The following ABHD15 variants were observed in gnomAD, a reference collection of about 807,000 sequenced individuals.
ABHD15 encodes the protein abhydrolase domain containing 15, also known as protein ABHD15.
In ABHD15, 34 loss-of-function variants were observed where a neutral mutation model predicts 34.4. That is an observed-to-expected ratio of 0.99 (90% CI 0.75 to 1.32). The LOEUF (loss-of-function observed/expected upper bound fraction) is 1.32. Ranked by LOEUF, ABHD15 falls within the 40% of genes most tolerant of loss-of-function variation. The pLI, the probability that ABHD15 is intolerant of heterozygous loss-of-function variation, is 0.00. For synonymous variants in ABHD15, 314 were observed against 299.2 expected (o/e 1.05, Z -0.51); for missense variants, 644 against 650.4 (o/e 0.99, Z 0.11).
chr17:29,561,212 A>G lies in ABHD15; in HGVS notation c.*1349T>C, dbSNP rs987032704. 7 of 152,230 alleles carry G rather than the reference A, an allele frequency of 4.6e-5. No homozygotes were observed. The highest frequency in any genetic ancestry group is 2.0e-4 in the Admixed American group (3 of 15,284). 9.4% of individuals were successfully genotyped at this position (152,230 alleles called of 1,614,324 possible). A position where few individuals can be genotyped will look rare whatever the true frequency, so the allele number is the denominator to read the frequency against. Reference sequence around the variant, plus strand: ...GCTTTGCTGTTTTTGAGGTCAGAACAGGAGCCCTCTTTCTCAATGACGATT... The same window carrying G: ...GCTTTGCTGTTTTTGAGGTCAGAACGGGAGCCCTCTTTCTCAATGACGATT... On this transcript the variant is annotated 3_prime_UTR_variant, in exon 2 of 2. Coordinates refer to ENST00000307201, the MANE Select transcript of ABHD15 (RefSeq NM_198147.3).
rs769296979 is a variant in ABHD15 at position 29,566,611 on chromosome 17, C to T, written c.356G>A (p.Gly119Glu). 1.2e-6 allele frequency: 2 copies of T among 1,608,988 alleles called. No homozygotes were observed. Among genetic ancestry groups the T allele is most frequent in the Admixed American group, 1.7e-5 (1 of 59,972 alleles). Residue 119 changes from glycine (G) to glutamate (E), a missense_variant, in exon 1 of 2, where the codon GGG becomes GAG. Physicochemically the swap from Gly to Glu is moderately conservative, Grantham distance 98. Transcript: ENST00000307201. ...LCHFVLPVAP[G>E]PELAREYLQL... ...CAGGTACTCCCGGGCCAGCTCAGGC[C>T]CAGGCGCTACGGGCAGGACGAAGTG...
At chr17:29,563,644 G>A (rs377554919) in intron 1 of ABHD15, among the ~76,000 whole-genome samples, 3 of 152,054 alleles carry the variant, frequency 2.0e-5, no homozygotes, top group Non-Finnish European at 2.9e-5. Context: ...GGTGGATCAC[G>A]AGGTCAAGAG....
At chr17:29,565,992 C>T in intron 1 of ABHD15, 94 bp downstream of exon 1, 1 of 1,470,964 alleles carries the variant, frequency 6.8e-7, no homozygotes, top group Non-Finnish European at 9.0e-7. Context: ...AACTGGCCCA[C>T]GCCTGTTCCA....
Position 29,562,490 on chromosome 17 carries a change from T to A in ABHD15, c.*71A>T, listed in dbSNP as rs1286875554. The A allele has an allele frequency of 1.3e-6, 2 of 1,496,536 alleles. No homozygotes were observed. The highest frequency in any genetic ancestry group is 9.0e-7 in the Non-Finnish European group (1 of 1,115,416). The allele number at this position is 1,496,536 out of a possible 1,614,324, so 92.7% of individuals were successfully genotyped here. ...AGCTCCCTCTGTTCAGTCCGCCCCATCTTTCCAGGACTCCCCCTTGCCCAG... is the reference window on the plus strand; with the variant it reads ...AGCTCCCTCTGTTCAGTCCGCCCCAACTTTCCAGGACTCCCCCTTGCCCAG... On this transcript the variant is annotated 3_prime_UTR_variant, in exon 2 of 2. Transcript: ENST00000307201.
Position 29,566,860 on chromosome 17 carries a change from C to T in ABHD15, c.107G>A (p.Arg36Lys). The change falls in exon 1 of 2, where the codon AGG becomes AAG. Residue 36 changes from arginine to lysine, a missense_variant. Transcript: ENST00000307201. ...TCGGTCTTGGGCCCCCGGCAGGGTCCTCTCTCCGACGGCGCGCCCCCAGGG... is the reference window on the plus strand; with the variant it reads ...TCGGTCTTGGGCCCCCGGCAGGGTCTTCTCTCCGACGGCGCGCCCCCAGGG... ...RGPWGRAVGE[R>K]TLPGAQDRDD... 3 of 1,508,284 alleles carry T rather than the reference C, an allele frequency of 2.0e-6. No homozygotes were observed. Among genetic ancestry groups the T allele is most frequent in the African/African-American group, 1.4e-5 (1 of 69,226 alleles). The allele number at this position is 1,508,284 out of a possible 1,614,324, so 93.4% of individuals were successfully genotyped here. A position where few individuals can be genotyped will look rare whatever the true frequency, so the allele number is the denominator to read the frequency against.
In ABHD15 at chr17:29,566,856, G is replaced by T; in HGVS notation, c.111C>A (p.Thr37=). 3 of 1,511,502 alleles carry T rather than the reference G, an allele frequency of 2.0e-6. No homozygotes were observed. Among genetic ancestry groups the T allele is most frequent in the Non-Finnish European group, 2.6e-6 (3 of 1,138,258 alleles). The allele number at this position is 1,511,502 out of a possible 1,614,324, so 93.6% of individuals were successfully genotyped here. The change falls in exon 1 of 2, where the codon ACC becomes ACA. Residue 37 remains threonine (T), a synonymous_variant. Transcript: ENST00000307201. ...CGTCTCGGTCTTGGGCCCCCGGCAG[G>T]GTCCTCTCTCCGACGGCGCGCCCCC... The part of the protein sequence containing the change: ...GPWGRAVGER[T]LPGAQDRDDG...
rs1416973691 is a variant in ABHD15 at position 29,561,466 on chromosome 17, C to T, written c.*1095G>A. On this transcript the variant is annotated 3_prime_UTR_variant, in exon 2 of 2. Coordinates refer to ENST00000307201, the MANE Select transcript of ABHD15 (RefSeq NM_198147.3). Reference sequence around the variant, plus strand: ...CAGATCTAAGAGGAAGCTTTTCTGCCTTTACAGGGATGGCCTTTTGAATAA... The same window carrying T: ...CAGATCTAAGAGGAAGCTTTTCTGCTTTTACAGGGATGGCCTTTTGAATAA... 1.3e-5 allele frequency: 2 copies of T among 152,172 alleles called. No homozygotes were observed. The highest frequency in any genetic ancestry group is 3.9e-4 in the East Asian group (2 of 5,194). 9.4% of individuals were successfully genotyped at this position (152,172 alleles called of 1,614,324 possible). A position where few individuals can be genotyped will look rare whatever the true frequency, so the allele number is the denominator to read the frequency against.
At chr17:29,565,981 A>T (rs1420460924) in intron 1 of ABHD15, 105 bp downstream of exon 1, 6 of 1,446,364 alleles carry the variant, frequency 4.1e-6, no homozygotes, top group South Asian at 2.9e-5. Context: ...AACTTTGCCC[A>T]AACTGGCCCA....
rs1245317983 is a variant in ABHD15, at chr17:29,562,573, T to C, written c.1395A>G (p.Ser465=). The part of the protein sequence containing the change: ...NLEEIFNWKR[S]YTR ...CAGGCCAGGTCTTTCACCTTGTGTA[T>C]GATCGCTTCCAGTTAAAGATCTCCT... The change falls in exon 2 of 2, where the codon TCA becomes TCG. Residue 465 remains serine (S), a synonymous_variant. Transcript: ENST00000307201. The C allele has an allele frequency of 6.2e-7, 1 of 1,613,294 alleles. No homozygotes were observed. The highest frequency in any genetic ancestry group is 1.7e-5 in the Admixed American group (1 of 59,988).
intron 1 of ABHD15, among the ~76,000 whole-genome samples, 199 bp from the exon 2 acceptor site, chr17:29,563,285 G>A (rs561036158): frequency 1.0e-3 from 152 of 151,932 alleles, no homozygotes; most frequent in African/African-American, 3.5e-3. Flanking sequence ...GGTGGCTCAC[G>A]CCTGTAATCC....
chr17:29,566,775 C>G lies in ABHD15; in HGVS notation c.192G>C (p.Glu64Asp), dbSNP rs759500284. Reference protein sequence around the residue: ...GPADQFSDGREPLPGGCSLVC... With the variant: ...GPADQFSDGRDPLPGGCSLVC... ...CAAGGCTGCACCCTCCCGGCAGTGG[C>G]TCGCGCCCGTCGCTGAACTGGTCCG... Residue 64 changes from glutamate (E) to aspartate (D), a missense_variant, in exon 1 of 2, where the codon GAG (glutamate) becomes GAC (aspartate). Glu to Asp is a conservative substitution (Grantham distance 45). Coordinates refer to ENST00000307201, the MANE Select transcript of ABHD15 (RefSeq NM_198147.3). 2.6e-6 allele frequency: 4 copies of G among 1,515,362 alleles called. No homozygotes were observed. Among genetic ancestry groups the G allele is most frequent in the Non-Finnish European group, 2.6e-6 (3 of 1,138,470 alleles). 93.9% of individuals were successfully genotyped at this position (1,515,362 alleles called of 1,614,324 possible).
rs1471413292 is a variant in ABHD15, at chr17:29,562,967, G to A, written c.1001C>T (p.Thr334Ile). 8 of 1,614,036 alleles carry A rather than the reference G, an allele frequency of 5.0e-6. No individual in the cohort carries two copies. Among genetic ancestry groups the A allele is most frequent in the South Asian group, 1.1e-5 (1 of 91,084 alleles). Residue 334 changes from threonine (T) to isoleucine (I), a missense_variant, in exon 2 of 2, where the codon ACC (threonine) becomes ATC (isoleucine). By Grantham distance (89) the Thr-to-Ile change is moderately conservative. Coordinates refer to ENST00000307201, the MANE Select transcript of ABHD15 (RefSeq NM_198147.3). ...HTKSFPISWD[T>I]YWDRNDPLRD... ...GAGCGGGTCGTTGCGGTCCCAGTAG[G>A]TATCCCAGCTGATGGGGAAGCTTTT... is the stretch of plus-strand genomic sequence containing the variant.
chr17:29,567,002 C>A lies in ABHD15; in HGVS notation c.-36G>T. 7.8e-7 allele frequency: 1 copy of A among 1,274,430 alleles called. No individual in the cohort carries two copies. Among genetic ancestry groups the A allele is most frequent in the Non-Finnish European group, 9.9e-7 (1 of 1,014,844 alleles). The allele number at this position is 1,274,430 out of a possible 1,614,324, so 78.9% of individuals were successfully genotyped here. A position where few individuals can be genotyped will look rare whatever the true frequency, so the allele number is the denominator to read the frequency against. On this transcript the variant is annotated 5_prime_UTR_variant, in exon 1 of 2. Coordinates refer to ENST00000307201, the MANE Select transcript of ABHD15 (RefSeq NM_198147.3). This position sits in a 1 kb window ranked among gnomAD's most constrained non-coding sequence, Gnocchi z 6.6. Reference sequence around the variant, plus strand: ...GAGAGCCCCGGCGGGCAGCGGGCGGCGGGGCCGTCTACTCGGCGAGCTCCG... The same window carrying A: ...GAGAGCCCCGGCGGGCAGCGGGCGGAGGGGCCGTCTACTCGGCGAGCTCCG...
intron 1 of ABHD15, among the ~76,000 whole-genome samples, chr17:29,565,588 C>A (rs967373233): frequency 6.6e-6 from 1 of 152,210 alleles, no homozygotes; most frequent in African/African-American, 2.4e-5. Context: ...GCCTTGGCCT[C>A]CCAAAGTGCT....
rs1255365236 is a variant in ABHD15, at chr17:29,566,080, AC to A, written c.881+5del. On this transcript the variant is annotated splice_donor_5th_base_variant and intron_variant, in intron 1 of 1. Coordinates refer to ENST00000307201, the MANE Select transcript of ABHD15 (RefSeq NM_198147.3). Reference sequence around the variant, plus strand: ...TCCATGCTGGTCTGCGGCCTCCGTTACCCACCTGCTGAGGGCGATCTTCTGG... The same window carrying A: ...TCCATGCTGGTCTGCGGCCTCCGTTACCACCTGCTGAGGGCGATCTTCTGG... The A allele has an allele frequency of 6.6e-7, 1 of 1,522,768 alleles. No homozygotes were observed. Among genetic ancestry groups the A allele is most frequent in the Non-Finnish European group, 8.8e-7 (1 of 1,136,142 alleles). 94.3% of individuals were successfully genotyped at this position (1,522,768 alleles called of 1,614,324 possible).
chr17:29,560,795 C>G lies in ABHD15; in HGVS notation c.*1766G>C, dbSNP rs2032619482. ...TCAGCCTCCTGAGTAACTGGGATTA[C>G]AGGCACCCGCTACCACGCCCGGCTA... On this transcript the variant is annotated 3_prime_UTR_variant, in exon 2 of 2. Coordinates refer to ENST00000307201, the MANE Select transcript of ABHD15 (RefSeq NM_198147.3). The G allele has an allele frequency of 6.6e-6, 1 of 152,124 alleles. No homozygotes were observed. The highest frequency in any genetic ancestry group is 1.5e-5 in the Non-Finnish European group (1 of 68,112). The allele number at this position is 152,124 out of a possible 1,614,324, so 9.4% of individuals were successfully genotyped here. A position where few individuals can be genotyped will look rare whatever the true frequency, so the allele number is the denominator to read the frequency against.
Position 29,566,073 on chromosome 17 carries a change from C to T in ABHD15, c.881+13G>A. 2 of 1,519,264 alleles carry T rather than the reference C, an allele frequency of 1.3e-6. No individual in the cohort carries two copies. Among genetic ancestry groups the T allele is most frequent in the South Asian group, 1.3e-5 (1 of 76,166 alleles). The allele number at this position is 1,519,264 out of a possible 1,614,324, so 94.1% of individuals were successfully genotyped here. A position where few individuals can be genotyped will look rare whatever the true frequency, so the allele number is the denominator to read the frequency against. ...TATTCTTTCCATGCTGGTCTGCGGC[C>T]TCCGTTACCCACCTGCTGAGGGCGA... On this transcript the variant is annotated intron_variant, in intron 1 of 1. Transcript: ENST00000307201.
At position 29,560,706 on chromosome 17, in the gene ABHD15, G is replaced by A. The variant is rs1444635351; in HGVS notation, c.*1855C>T. 4 of 151,798 alleles carry A rather than the reference G, an allele frequency of 2.6e-5. No homozygotes were observed. In the East Asian group the frequency reaches 7.7e-4, roughly 29 times the overall value. The allele number at this position is 151,798 out of a possible 1,614,324, so 9.4% of individuals were successfully genotyped here. A position where few individuals can be genotyped will look rare whatever the true frequency, so the allele number is the denominator to read the frequency against. On this transcript the variant is annotated 3_prime_UTR_variant, in exon 2 of 2. Coordinates refer to ENST00000307201, the MANE Select transcript of ABHD15 (RefSeq NM_198147.3). Reference sequence around the variant, plus strand: ...GTCTTACTCTGTCGCCCAGGCTGGAGTGCAGTGGTGCGATCTCAGCTCACT... The same window carrying A: ...GTCTTACTCTGTCGCCCAGGCTGGAATGCAGTGGTGCGATCTCAGCTCACT...
In ABHD15 at chr17:29,562,964, T is replaced by C; in HGVS notation, c.1004A>G (p.Tyr335Cys). 1.2e-6 allele frequency: 2 copies of C among 1,613,986 alleles called. No individual in the cohort carries two copies. Among genetic ancestry groups the C allele is most frequent in the South Asian group, 1.1e-5 (1 of 91,082 alleles). ...CCGGAGCGGGTCGTTGCGGTCCCAG[T>C]AGGTATCCCAGCTGATGGGGAAGCT... is the stretch of plus-strand genomic sequence containing the variant. ...TKSFPISWDT[Y>C]WDRNDPLRDV... is the part of the protein sequence containing the mutation. Residue 335 changes from tyrosine (Y) to cysteine (C), a missense_variant, in exon 2 of 2, where the codon TAC becomes TGC. By Grantham distance (194) the Tyr-to-Cys change is radical. Transcript: ENST00000307201.
Sources: gnomAD v4.1 joint callset for allele counts (sites outside exome capture counted in the v4.1 genomes callset) on GRCh38, gnomAD v4.1.1 for gene constraint, Gnocchi (gnomAD v3.1) non-coding constraint, MANE v1.5 for transcripts, NCBI Gene and HGNC (gene_info 2026-07-23, HGNC 2026-07-21) for gene names.